Variants in PDE4D observed in about 807,000 individuals in gnomAD.
PDE4D encodes the protein phosphodiesterase 4D.
A neutral mutation model predicts 87.4 loss-of-function variants in PDE4D; 24 were observed. The observed-to-expected ratio is 0.27, with a 90% CI of 0.20 to 0.39. PDE4D has a LOEUF of 0.39. Ranked by LOEUF, PDE4D falls within the 10% of genes least tolerant of loss-of-function variation. The probability of loss-of-function intolerance (pLI) is 1.00; values close to 1 mark genes in which losing one functional copy is unlikely to be tolerated. For synonymous variants in PDE4D, 384 were observed against 383.2 expected (o/e 1.00, Z -0.02); for missense variants, 714 against 1,041.0 (o/e 0.69, Z 4.32).
intron 1 of PDE4D, among the ~76,000 whole-genome samples, chr5:60,251,677 C>T (rs542944962): frequency 6.6e-6 from 1 of 151,898 alleles, no homozygotes; most frequent in Non-Finnish European, 1.5e-5. Context: ...GAACATATGA[C>T]TACCTGTGTC....
intron 1 of PDE4D, among the ~76,000 whole-genome samples, chr5:59,585,927 G>A (rs2153701685): frequency 6.6e-6 from 1 of 152,218 alleles, no homozygotes; most frequent in East Asian, 1.9e-4. Flanking sequence ...CCTTCTTTTA[G>A]AAATTCAGAC....
At chr5:60,213,969 G>A (rs1448714767) in intron 1 of PDE4D, among the ~76,000 whole-genome samples, 1 of 152,124 alleles carries the variant, frequency 6.6e-6, no homozygotes, top group Non-Finnish European at 1.5e-5. Flanking sequence ...TTGAGGTCAT[G>A]GGAAGTGAAT....
chr5:60,056,014 T>C (rs898266242), intron 2 of PDE4D, among the ~76,000 whole-genome samples: 1 of 152,090 alleles, frequency 6.6e-6, no homozygotes. Flanking sequence ...AAGTTCTGTG[T>C]CCTTGCTGTA....
chr5:59,718,198 G>A (rs895136089), intron 1 of PDE4D, among the ~76,000 whole-genome samples: 11 of 152,124 alleles, frequency 7.2e-5, no homozygotes, highest in Non-Finnish European at 1.0e-4. Flanking sequence ...ATTCCATTTT[G>A]TTTCATTTCA....
At chr5:59,695,944 T>C (rs964108689) in intron 1 of PDE4D, among the ~76,000 whole-genome samples, 1 of 152,218 alleles carries the variant, frequency 6.6e-6, no homozygotes, top group Admixed American at 6.5e-5. Context: ...CAACTCATAT[T>C]ATCTGGCTCA....
At chr5:60,264,918 T>A (rs943922996) in intron 1 of PDE4D, among the ~76,000 whole-genome samples, 4 of 152,200 alleles carry the variant, frequency 2.6e-5, no homozygotes, top group Non-Finnish European at 5.9e-5. Flanking sequence ...CAACAGATAT[T>A]TATCAAGTGC....
chr5:59,251,959 G>A (rs544618001), intron 1 of PDE4D, among the ~76,000 whole-genome samples: 1 of 152,074 alleles, frequency 6.6e-6, no homozygotes, highest in Non-Finnish European at 1.5e-5. Flanking sequence ...CTTATAAGTG[G>A]GAGCTAAATG....
At chr5:60,399,911 C>T (rs1018566568) in intron 1 of PDE4D, among the ~76,000 whole-genome samples, 4 of 152,198 alleles carry the variant, frequency 2.6e-5, no homozygotes, top group African/African-American at 9.7e-5. Context: ...TACTTTTATG[C>T]CTAAGCCAGC....
At chr5:59,910,141 T>C (rs1320853195) in intron 3 of PDE4D, among the ~76,000 whole-genome samples, 2 of 152,206 alleles carry the variant, frequency 1.3e-5, no homozygotes, top group Admixed American at 6.5e-5. Context: ...TATGGCAGTT[T>C]ATCCTAGACT....
At chr5:59,519,746 C>T (rs938954281) in intron 1 of PDE4D, among the ~76,000 whole-genome samples, 1 of 152,144 alleles carries the variant, frequency 6.6e-6, no homozygotes, top group African/African-American at 2.4e-5. Context: ...AATAACTCTG[C>T]TATGAGATTA....
chr5:59,131,726 TG>T (rs776628040), intron 5 of PDE4D, among the ~76,000 whole-genome samples: 3 of 151,888 alleles, frequency 2.0e-5, no homozygotes, highest in Non-Finnish European at 4.4e-5. Context: ...GTATATAGAA[TG>T]TGGAAAATAA....
intron 1 of PDE4D, among the ~76,000 whole-genome samples, chr5:59,383,185 C>T (rs898313451): frequency 2.2e-4 from 33 of 152,138 alleles, no homozygotes; most frequent in African/African-American, 7.7e-4. Flanking sequence ...AATCAATTAA[C>T]TGAGAGTATG....
Position 59,610,923 on chromosome 5 carries a change from C to T in PDE4D, c.455+282245G>A, listed in dbSNP as rs115714298. Among the ~76,000 whole-genome samples, 477 of 152,130 alleles carry T rather than the reference C, an allele frequency of 3.1e-3. 3 individuals carry two copies. The highest frequency in any genetic ancestry group is 0.01 in the African/African-American group (418 of 41,528). ...AAATGCTGGCAGAAAGAAACAGGGG[C>T]TAGGGGTACAAGGTCTCTTAGAAAG... On this transcript the variant is annotated intron_variant, in intron 1 of 14. Coordinates refer to ENST00000340635, the MANE Select transcript of PDE4D (RefSeq NM_001104631.2).
intron 6 of PDE4D, among the ~76,000 whole-genome samples, chr5:59,024,281 A>G (rs749734702): frequency 2.1e-5 from 3 of 143,856 alleles, no homozygotes; most frequent in Non-Finnish European, 4.5e-5. Context: ...GCTCACTGCA[A>G]CCTCTGCCTC....
intron 1 of PDE4D, among the ~76,000 whole-genome samples, chr5:59,292,443 T>C (rs28044): frequency 0.33 from 50,311 of 151,948 alleles, 10,087 homozygotes; most frequent in East Asian, 0.69. Context: ...TTCCACAACG[T>C]AGATTATTTT....
At chr5:59,060,617 A>T (rs1176161434) in intron 5 of PDE4D, among the ~76,000 whole-genome samples, 1 of 152,078 alleles carries the variant, frequency 6.6e-6, no homozygotes, top group Non-Finnish European at 1.5e-5. Context: ...TGGTGTACAG[A>T]TTATTTCACA....
At chr5:59,249,389 G>A (rs116155925) in intron 1 of PDE4D, among the ~76,000 whole-genome samples, 163 of 152,162 alleles carry the variant, frequency 1.1e-3, no homozygotes, top group African/African-American at 3.8e-3. Context: ...AACCTTTAGA[G>A]AAGTATTTTT....
chr5:59,457,911 G>T (rs1210277418), intron 1 of PDE4D, among the ~76,000 whole-genome samples: 2 of 151,754 alleles, frequency 1.3e-5, no homozygotes, highest in African/African-American at 4.8e-5. Context: ...AAAAGAAAAA[G>T]AAAAGAAAGA....
chr5:59,329,898 C>T (rs1051988900), intron 1 of PDE4D, among the ~76,000 whole-genome samples: 6 of 152,154 alleles, frequency 3.9e-5, no homozygotes, highest in African/African-American at 1.4e-4. Context: ...ATATTAGCAA[C>T]ATAAAAGTGT....
Sources: gnomAD v4.1 joint callset for allele counts (sites outside exome capture counted in the v4.1 genomes callset) on GRCh38, gnomAD v4.1.1 for gene constraint, MANE v1.5 for transcripts, NCBI Gene and HGNC (gene_info 2026-07-23, HGNC 2026-07-21) for gene names.